Variants in DONSON observed in about 807,000 individuals in gnomAD.
The protein encoded by DONSON is DNA replication fork stabilization factor DONSON.
A neutral mutation model predicts 62.1 loss-of-function variants in DONSON; 43 were observed. The observed-to-expected ratio is 0.69, with a 90% CI of 0.54 to 0.89. The LOEUF (loss-of-function observed/expected upper bound fraction) is 0.89, where lower values mean the gene tolerates loss of function less well. Among genes scored for constraint, DONSON ranks in the 40% least tolerant of loss-of-function variants. The probability of loss-of-function intolerance (pLI) is 0.00; values close to 1 mark genes in which losing one functional copy is unlikely to be tolerated. For synonymous variants in DONSON, 266 were observed against 264.6 expected, an observed-to-expected ratio of 1.01 and a Z score of -0.05; for missense variants, 696 against 697.5, an observed-to-expected ratio of 1.00 and a Z score of 0.03.
At chr21:33,584,044 ATAC>A (rs1413250955) in intron 4 of DONSON, among the ~76,000 whole-genome samples, 7 of 101,354 alleles carry the variant, frequency 6.9e-5, no homozygotes, top group African/African-American at 2.9e-4. Context: ...ATATATATAT[ATAC>A]TTTTTTTTTT....
At chr21:33,582,311 T>C (rs2086521953) in intron 5 of DONSON, 65 bp from the exon 6 acceptor site, 2 of 1,313,814 alleles carry the variant, frequency 1.5e-6, no homozygotes, top group Non-Finnish European at 2.2e-6. Flanking sequence ...TGCTGTACTT[T>C]TAGAGTGTAA....
At position 33,582,182 on chromosome 21, in the gene DONSON, T is replaced by C. The variant is rs917943361; in HGVS notation, c.1029A>G (p.Thr343=). 2.5e-6 allele frequency: 4 copies of C among 1,613,994 alleles called. No homozygotes were observed. The African/African-American group carries it at 5.3e-5, about 22-fold the overall frequency. ...SGHKKETASG[T]SLGYGEEQAI... ...TCACATACTCCCCATATCCCAAGCT[T>C]GTTCCAGATGCTGTCTCCTTCTTAT... Residue 343 remains threonine (T), a synonymous_variant, in exon 6 of 10, where the codon ACA becomes ACG. Coordinates refer to ENST00000303071, the MANE Select transcript of DONSON (RefSeq NM_017613.4).
chr21:33,587,462 A>T, intron 2 of DONSON, 60 bp downstream of exon 2: 1 of 1,502,834 alleles, frequency 6.7e-7, no homozygotes, highest in Non-Finnish European at 8.8e-7. Flanking sequence ...AATAGGCTCA[A>T]ATCCTATGAA....
chr21:33,585,897 C>A, intron 3 of DONSON, 81 bp downstream of exon 3: 1 of 1,309,322 alleles, frequency 7.6e-7, no homozygotes, highest in Non-Finnish European at 1.1e-6. Flanking sequence ...TAATGGAAGG[C>A]AGCATCTGCT....
At chr21:33,587,103 A>G (rs535571327) in intron 2 of DONSON, among the ~76,000 whole-genome samples, 159 of 152,290 alleles carry the variant, frequency 1.0e-3, no homozygotes, top group Non-Finnish European at 2.0e-3. Context: ...GCACAATGGT[A>G]GTAGTTGGGG....
rs781238229 is a variant in DONSON, at chr21:33,579,374, C to T, written c.1539G>A (p.Leu513=). The T allele has an allele frequency of 8.7e-6, 14 of 1,605,710 alleles. 1 individual carries two copies. The South Asian group carries it at 1.5e-4, about 18-fold the overall frequency. Residue 513 remains leucine, a synonymous_variant, in exon 9 of 10, where the codon CTG becomes CTA. Transcript: ENST00000303071. The part of the protein sequence containing the change: ...HEPTAVFNIC[L]QMDKVLDMEV... ...CCATATCAAGTACTTTGTCCATTTGCAGGCAGATGTTAAATACAGCAGTTG... is the reference window on the plus strand; with the variant it reads ...CCATATCAAGTACTTTGTCCATTTGTAGGCAGATGTTAAATACAGCAGTTG...
At chr21:33,587,746 T>A in intron 1 of DONSON, 144 bp from the exon 2 acceptor site, 2 of 568,224 alleles carry the variant, frequency 3.5e-6, no homozygotes, top group Non-Finnish European at 6.2e-6. Context: ...TCTATGAGTT[T>A]CAACACTTCA....
In DONSON at chr21:33,581,642, A is replaced by G. The variant is rs998635990; in HGVS notation, c.1152-142T>C. ...TGCTACCTCTCTTTACCGAATCATAAGGCATATGTTTCAATCAAAATGTTA... is the reference window on the plus strand; with the variant it reads ...TGCTACCTCTCTTTACCGAATCATAGGGCATATGTTTCAATCAAAATGTTA... On this transcript the variant is annotated intron_variant, in intron 7 of 9. Transcript: ENST00000303071. The G allele has an allele frequency of 8.2e-5, 61 of 744,984 alleles. 1 individual carries two copies. The highest frequency in any genetic ancestry group is 9.4e-5 in the Non-Finnish European group (44 of 466,852). The allele number at this position is 744,984 out of a possible 1,614,324, so 46.1% of individuals were successfully genotyped here.
intron 8 of DONSON, 123 bp downstream of exon 8, chr21:33,581,179 G>A: frequency 1.2e-6 from 1 of 863,920 alleles, no homozygotes; most frequent in Non-Finnish European, 1.7e-6. Context: ...TTTTTTAATG[G>A]GAGGAAAGCA....
At chr21:33,585,387 AT>A (rs773327167) in intron 3 of DONSON, among the ~76,000 whole-genome samples, 1,576 of 109,782 alleles carry the variant, frequency 0.014, 7 homozygotes, top group Non-Finnish European at 0.021. Flanking sequence ...TGCTCAGCTA[AT>A]TTTTTTTTTT....
In DONSON at chr21:33,579,378, C is replaced by CA. The variant is rs770211589; in HGVS notation, c.1534dup (p.Cys512LeufsTer9). 6.2e-7 allele frequency: 1 copy of CA among 1,606,696 alleles called. No individual in the cohort carries two copies. The highest frequency in any genetic ancestry group is 1.1e-5 in the South Asian group (1 of 90,588). On this transcript the variant is annotated frameshift_variant, in exon 9 of 10. Transcript: ENST00000303071. LOFTEE classifies it high-confidence loss of function. The stretch of plus-strand genomic sequence containing the variant: ...ATCAAGTACTTTGTCCATTTGCAGG[C>CA]AGATGTTAAATACAGCAGTTGGCTC...
At chr21:33,583,706 T>A in intron 4 of DONSON, 40 bp from the exon 5 acceptor site, 2 of 1,438,188 alleles carry the variant, frequency 1.4e-6, no homozygotes, top group Non-Finnish European at 1.9e-6. Flanking sequence ...TTATTAAACA[T>A]TTAATGCAAT....
At position 33,578,352 on chromosome 21, in the gene DONSON, T is replaced by A. The variant is rs778013273; in HGVS notation, c.1656A>T (p.Leu552Phe). The A allele has an allele frequency of 1.9e-6, 3 of 1,613,966 alleles. No homozygotes were observed. Among genetic ancestry groups the A allele is most frequent in the Non-Finnish European group, 2.5e-6 (3 of 1,179,988 alleles). The change falls in exon 10 of 10, where the codon TTA (leucine) becomes TTT (phenylalanine). Residue 552 changes from leucine (L) to phenylalanine (F), a missense_variant. Leu to Phe is a conservative substitution (Grantham distance 22, BLOSUM62 0). Coordinates refer to ENST00000303071, the MANE Select transcript of DONSON (RefSeq NM_017613.4). ...SQIPLLGKSS[L>F]RNVVLRDYIY... ...TGTAGTCTCTCAGCACCACATTCCG[T>A]AAAGATGATTTCCCAAGTAACGGTA...
intron 2 of DONSON, 116 bp downstream of exon 2, chr21:33,587,406 A>G (rs2086589673): frequency 7.1e-7 from 1 of 1,407,922 alleles, no homozygotes; most frequent in Non-Finnish European, 9.2e-7. Flanking sequence ...CTGTAAAACT[A>G]CTTTCCAAGC....
Position 33,586,190 on chromosome 21 carries a change from A to C in DONSON, c.403-9T>G, listed in dbSNP as rs765127652. 4.3e-6 allele frequency: 7 copies of C among 1,612,824 alleles called. No homozygotes were observed. The South Asian group carries it at 7.7e-5, about 18-fold the overall frequency. ...AATGATACATGTGAAGTCTTTAGAA[A>C]ACAAAGAATGCAAAAATTAGTCGAG... On this transcript the variant is annotated splice_polypyrimidine_tract_variant and intron_variant, in intron 2 of 9. Coordinates refer to ENST00000303071, the MANE Select transcript of DONSON (RefSeq NM_017613.4).
At chr21:33,587,317 CATCATTACTGT>C in intron 2 of DONSON, 194 bp downstream of exon 2, 3 of 960,626 alleles carry the variant, frequency 3.1e-6, no homozygotes, top group Non-Finnish European at 3.7e-6. Flanking sequence ...TCTTTACAGT[CATCATTACTGT>C]ATCAAACCAA....
chr21:33,584,990 T>C (rs557375534), intron 3 of DONSON, among the ~76,000 whole-genome samples: 4 of 152,298 alleles, frequency 2.6e-5, no homozygotes, highest in Non-Finnish European at 4.4e-5. Context: ...TGGGAACATT[T>C]TCCTGTTTCT....
chr21:33,582,441 A>C (rs2086524280), intron 5 of DONSON, among the ~76,000 whole-genome samples, 195 bp from the exon 6 acceptor site: 1 of 152,182 alleles, frequency 6.6e-6, no homozygotes, highest in Non-Finnish European at 1.5e-5. Flanking sequence ...TCGGGAAACA[A>C]CACATACATG....
chr21:33,586,220 A>G lies in DONSON; in HGVS notation c.403-39T>C, dbSNP rs1364511497. 1.9e-6 allele frequency: 3 copies of G among 1,568,002 alleles called. No individual in the cohort carries two copies. In the East Asian group the frequency reaches 6.8e-5, roughly 35 times the overall value. ...AGAATGCAAAAATTAGTCGAGTATC[A>G]AGAAAAAACCTTCAACCTAAAGATT... On this transcript the variant is annotated intron_variant, in intron 2 of 9. Coordinates refer to ENST00000303071, the MANE Select transcript of DONSON (RefSeq NM_017613.4).
Sources: allele counts gnomAD v4.1 joint callset (sites outside exome capture counted in the v4.1 genomes callset), GRCh38; gene constraint gnomAD v4.1.1; transcripts MANE v1.5; gene names NCBI Gene and HGNC (gene_info 2026-07-23, HGNC 2026-07-21).